Variants in CTNNA3 observed in about 807,000 individuals in gnomAD.
The protein encoded by CTNNA3 is catenin alpha-3.
In CTNNA3, 76 loss-of-function variants were observed where a neutral mutation model predicts 95.7. The ratio of observed to expected loss-of-function variants is 0.79; its 90% CI spans 0.66 to 0.96. The LOEUF (loss-of-function observed/expected upper bound fraction) is 0.96, where lower values mean the gene tolerates loss of function less well. CTNNA3 is among the 40% of genes least tolerant of loss of function. The pLI, the probability that CTNNA3 is intolerant of heterozygous loss-of-function variation, is 0.00. For missense variants in CTNNA3, 1,191 were observed against 1,089.8 expected (o/e 1.09, Z -1.31); for synonymous variants, 431 against 374.4 (o/e 1.15, Z -1.74).
chr10:67,218,185 A>G (rs912341351), intron 6 of CTNNA3, among the ~76,000 whole-genome samples: 1 of 152,186 alleles, frequency 6.6e-6, no homozygotes, highest in Non-Finnish European at 1.5e-5. Flanking sequence ...GATCCTATCT[A>G]TCTACTCTAA....
chr10:65,992,090 G>A (rs1315420715), intron 15 of CTNNA3, among the ~76,000 whole-genome samples: 1 of 152,020 alleles, frequency 6.6e-6, no homozygotes, highest in Non-Finnish European at 1.5e-5. Context: ...GCATCCCAAG[G>A]ATAAATCCCA....
intron 1 of CTNNA3, among the ~76,000 whole-genome samples, chr10:67,686,654 C>G (rs535068346): frequency 5.3e-4 from 81 of 152,266 alleles, no homozygotes; most frequent in African/African-American, 1.9e-3. Context: ...GCCTCTGACA[C>G]TAAGACAGCC....
At chr10:67,420,040 C>T (rs1296359614) in intron 5 of CTNNA3, among the ~76,000 whole-genome samples, 7 of 152,026 alleles carry the variant, frequency 4.6e-5, no homozygotes, top group East Asian at 1.9e-4. Context: ...TTAATAGAGA[C>T]GGGGTTTCAC....
At chr10:67,732,172 C>T (rs1392809646) in intron 1 of CTNNA3, among the ~76,000 whole-genome samples, 1 of 151,686 alleles carries the variant, frequency 6.6e-6, no homozygotes, top group East Asian at 1.9e-4. Context: ...ATTTAAGGGG[C>T]ACAAGTGCAG....
chr10:66,161,244 A>G (rs2084827913), intron 13 of CTNNA3, among the ~76,000 whole-genome samples: 1 of 151,660 alleles, frequency 6.6e-6, no homozygotes. Flanking sequence ...TGTACTTTGG[A>G]TTTTTGGTTT....
intron 13 of CTNNA3, among the ~76,000 whole-genome samples, chr10:66,117,724 A>G (rs781229079): frequency 1.3e-5 from 2 of 152,238 alleles, no homozygotes; most frequent in Non-Finnish European, 2.9e-5. Context: ...GTGTTTATGA[A>G]ATATCAAAGC....
chr10:67,722,407 A>C (rs1205735425), intron 1 of CTNNA3, among the ~76,000 whole-genome samples: 2 of 152,200 alleles, frequency 1.3e-5, no homozygotes, highest in East Asian at 3.8e-4. Flanking sequence ...AGTTTTTGCT[A>C]TCCTCCTTGC....
chr10:66,789,939 TAGCTC>T, intron 7 of CTNNA3, among the ~76,000 whole-genome samples: 1 of 152,248 alleles, frequency 6.6e-6, no homozygotes, highest in African/African-American at 2.4e-5. Context: ...TACTGAATGT[TAGCTC>T]AGCAGTACTC....
At chr10:67,302,006 A>AGAAC (rs1491553766) in intron 5 of CTNNA3, among the ~76,000 whole-genome samples, 238 of 13,198 alleles carry the variant, frequency 0.018, 55 homozygotes, top group African/African-American at 0.14. Flanking sequence ...AAAGAACGAA[A>AGAAC]GAAAGAAAGA....
intron 9 of CTNNA3, among the ~76,000 whole-genome samples, chr10:66,682,638 CT>C (rs55925717): frequency 0.33 from 46,279 of 141,466 alleles, 7,991 homozygotes; most frequent in African/African-American, 0.49. Flanking sequence ...TGGAGGCTTT[CT>C]TTTTTTTTTT....
chr10:67,754,067 C>T (rs1355046966), intron 1 of CTNNA3, among the ~76,000 whole-genome samples: 1 of 152,164 alleles, frequency 6.6e-6, no homozygotes, highest in Non-Finnish European at 1.5e-5. Flanking sequence ...ATCAACCCAA[C>T]TGTCCATCAG....
At chr10:67,216,148 T>G (rs1252880564) in intron 6 of CTNNA3, among the ~76,000 whole-genome samples, 2 of 152,172 alleles carry the variant, frequency 1.3e-5, no homozygotes, top group African/African-American at 4.8e-5. Flanking sequence ...GAGATCCTGT[T>G]TTCTCCTAAC....
chr10:66,858,381 C>A (rs572399895), intron 7 of CTNNA3, among the ~76,000 whole-genome samples: 2 of 151,952 alleles, frequency 1.3e-5, no homozygotes, highest in African/African-American at 4.8e-5. Context: ...TGTGTCTCTG[C>A]CAGGTTTTGG....
Position 66,915,830 on chromosome 10 carries a change from C to T in CTNNA3, c.1048-140306G>A, listed in dbSNP as rs560041988. Reference sequence around the variant, plus strand: ...GTGGTGCAATCTTAGCTCACTGCAACCTCTGCCTCCCGAGTTCAAGCGATT... The same window carrying T: ...GTGGTGCAATCTTAGCTCACTGCAATCTCTGCCTCCCGAGTTCAAGCGATT... On this transcript the variant is annotated intron_variant, in intron 7 of 17. Transcript: ENST00000433211. Among the ~76,000 whole-genome samples, 24 of 151,332 alleles carry T rather than the reference C, an allele frequency of 1.6e-4. No individual in the cohort carries two copies. In the South Asian group the frequency reaches 5.0e-3, roughly 32 times the overall value.
chr10:66,881,168 GA>G (rs1844837523), intron 7 of CTNNA3, among the ~76,000 whole-genome samples: 1 of 152,022 alleles, frequency 6.6e-6, no homozygotes, highest in African/African-American at 2.4e-5. Flanking sequence ...TAAAAGGAAG[GA>G]AACAGGATGA....
intron 7 of CTNNA3, among the ~76,000 whole-genome samples, chr10:66,828,218 C>T (rs768474303): frequency 3.3e-5 from 5 of 152,246 alleles, no homozygotes; most frequent in South Asian, 2.1e-4. Flanking sequence ...TGGAAAAGCA[C>T]GTGAGCATAT....
chr10:66,918,177 AC>A (rs1441954771), intron 7 of CTNNA3, among the ~76,000 whole-genome samples: 1 of 152,250 alleles, frequency 6.6e-6, no homozygotes, highest in Non-Finnish European at 1.5e-5. Flanking sequence ...CAATGGCAAT[AC>A]AAAAATTAGC....
intron 5 of CTNNA3, among the ~76,000 whole-genome samples, chr10:67,447,185 C>T (rs1046320308): frequency 6.6e-6 from 1 of 152,204 alleles, no homozygotes. Context: ...ATGGTCACTC[C>T]AATTACCAGG....
rs7919467 is a variant in CTNNA3, at chr10:67,229,553, G to A, written c.580-9683C>T. On this transcript the variant is annotated intron_variant, in intron 5 of 17. Transcript: ENST00000433211. ...GTCACTATTTACTGATGATATGATC[G>A]TTTACCTTGAAAACCCTAAATACTC... Among the ~76,000 whole-genome samples the A allele has an allele frequency of 8.1e-3, 1,233 of 152,160 alleles. 18 individuals carry two copies. Among genetic ancestry groups the A allele is most frequent in the African/African-American group, 0.028 (1,150 of 41,520 alleles).
Sources: allele counts gnomAD v4.1 joint callset (sites outside exome capture counted in the v4.1 genomes callset), GRCh38; gene constraint gnomAD v4.1.1; transcripts MANE v1.5; gene names NCBI Gene and HGNC (gene_info 2026-07-23, HGNC 2026-07-21).